UNC93A: variants seen among roughly 807,000 people sequenced by gnomAD.
The protein encoded by UNC93A is unc-93 homolog A.
A neutral mutation model predicts 47.5 loss-of-function variants in UNC93A; 43 were observed. The observed-to-expected ratio is 0.91, with a 90% CI of 0.71 to 1.17. The LOEUF (loss-of-function observed/expected upper bound fraction) is 1.17, where lower values mean the gene tolerates loss of function less well. Ranked by LOEUF, UNC93A falls within the 50% of genes most tolerant of loss-of-function variation. The pLI is 0.00. For synonymous variants in UNC93A, 280 were observed against 258.0 expected (o/e 1.09, Z -0.82); for missense variants, 605 against 577.6 (o/e 1.05, Z -0.49).
chr6:167,294,870 C>T (rs1778008944), intron 2 of UNC93A, among the ~76,000 whole-genome samples, 172 bp downstream of exon 2: 1 of 152,068 alleles, frequency 6.6e-6, no homozygotes, highest in Non-Finnish European at 1.5e-5. Flanking sequence ...CGGTGCTGGG[C>T]TTCCTTCCTG....
chr6:167,293,404 C>A (rs955513680), intron 1 of UNC93A, among the ~76,000 whole-genome samples: 3 of 152,164 alleles, frequency 2.0e-5, no homozygotes, highest in Non-Finnish European at 4.4e-5. Flanking sequence ...GAGGCCCCAC[C>A]CGGGCCTATT....
intron 5 of UNC93A, 78 bp from the exon 6 acceptor site, chr6:167,305,837 A>C: frequency 1.3e-6 from 2 of 1,599,244 alleles, no homozygotes; most frequent in Non-Finnish European, 1.7e-6. Flanking sequence ...AGATGTTCTA[A>C]GCACCCGACT....
intron 7 of UNC93A, among the ~76,000 whole-genome samples, chr6:167,312,137 T>G (rs1033774464): frequency 1.1e-4 from 17 of 152,120 alleles, no homozygotes; most frequent in African/African-American, 3.1e-4. Context: ...TGTTCCTTAA[T>G]TTTGGTTTGT....
intron 7 of UNC93A, among the ~76,000 whole-genome samples, chr6:167,309,623 G>C (rs914210183): frequency 6.6e-6 from 1 of 152,164 alleles, no homozygotes; most frequent in Non-Finnish European, 1.5e-5. Flanking sequence ...CGAACTACAG[G>C]CCAATGTTTC....
chr6:167,314,720 C>T (rs1203160012), intron 7 of UNC93A, among the ~76,000 whole-genome samples: 1 of 152,166 alleles, frequency 6.6e-6, no homozygotes, highest in Non-Finnish European at 1.5e-5. Flanking sequence ...AAAAGAATGC[C>T]ACCATTTGTC....
Position 167,277,883 on chromosome 6 carries a change from G to A in UNC93A, c.-52+6425G>A, listed in dbSNP as rs371141541. On this transcript the variant is annotated intron_variant, in intron 1 of 3. Transcript: ENST00000503433. ...TCTGTCTCCTTCTGTCTGTCTCTTG[G>A]TCCCAGCTGGCAGCTGACTTTCCTG... 2.0e-4 allele frequency among the ~76,000 whole-genome samples: 30 copies of A among 151,634 alleles called. No individual in the cohort carries two copies. The South Asian group carries it at 6.3e-3, about 32-fold the overall frequency.
chr6:167,287,179 C>T (rs114736769), upstream of UNC93A, among the ~76,000 whole-genome samples: 1,018 of 152,132 alleles, frequency 6.7e-3, 17 homozygotes, highest in African/African-American at 0.023. Flanking sequence ...AATCACAGCC[C>T]GGCTTCCTCC....
intron 1 of UNC93A, among the ~76,000 whole-genome samples, chr6:167,281,463 C>T (rs1215091752): frequency 6.6e-6 from 1 of 152,168 alleles, no homozygotes; most frequent in African/African-American, 2.4e-5. Context: ...AGCCAGGAGG[C>T]CTAGCAACAG....
intron 7 of UNC93A, among the ~76,000 whole-genome samples, chr6:167,308,794 G>A (rs113314608): frequency 0.013 from 1,952 of 152,120 alleles, 46 homozygotes; most frequent in African/African-American, 0.044. Flanking sequence ...AGTCGGCCCC[G>A]TGTCACAACA....
chr6:167,287,256 A>G (rs1295326399), upstream of UNC93A, among the ~76,000 whole-genome samples: 2 of 152,150 alleles, frequency 1.3e-5, no homozygotes, highest in Non-Finnish European at 2.9e-5. Context: ...TGCAGGGTTC[A>G]TAGAAACGGC....
In UNC93A at chr6:167,294,273, C is replaced by T. The variant is rs559834724; in HGVS notation, c.88-244C>T. 6.0e-4 allele frequency among the ~76,000 whole-genome samples: 91 copies of T among 152,328 alleles called. 1 individual carries two copies. Among genetic ancestry groups the T allele is most frequent in the African/African-American group, 2.2e-3 (90 of 41,554 alleles). On this transcript the variant is annotated intron_variant, in intron 1 of 7. Transcript: ENST00000230256. ...CTCTCACAGCCATCCAGCCCCGGCGCAAGCACTCACAGGGGTGCCGGGCCT... is the reference window on the plus strand; with the variant it reads ...CTCTCACAGCCATCCAGCCCCGGCGTAAGCACTCACAGGGGTGCCGGGCCT...
At chr6:167,271,353 C>G (rs1783448900) in exon 1 of UNC93A, 1 of 152,400 alleles carries the variant, frequency 6.6e-6, no homozygotes, top group Admixed American at 6.5e-5. Flanking sequence ...GAGCGAGAAC[C>G]TCATCAGGAG....
intron 4 of UNC93A, among the ~76,000 whole-genome samples, chr6:167,299,243 G>A (rs1159031731): frequency 6.6e-6 from 1 of 151,134 alleles, no homozygotes; most frequent in Non-Finnish European, 1.5e-5. Context: ...CTTGGATTTG[G>A]GGATTCATAA....
rs148569914 is a variant in UNC93A at position 167,296,101 on chromosome 6, A to T, written c.339A>T (p.Thr113=). The T allele has an allele frequency of 3.3e-5, 53 of 1,614,228 alleles. 2 individuals are homozygous for T. The African/African-American group carries it at 6.5e-4, about 20-fold the overall frequency. The change falls in exon 3 of 8, where the codon ACA becomes ACT. Residue 113 remains threonine, a synonymous_variant. Transcript: ENST00000230256. ...GAAPLWSAQC[T]YLTITGNTHA... is the part of the protein sequence containing the mutation. The stretch of plus-strand genomic sequence containing the variant: ...CCCCGCTGTGGTCTGCACAGTGCAC[A>T]TACCTCACGATCACGGGAAACACAC...
At chr6:167,312,795 C>A (rs1778595739) in intron 7 of UNC93A, among the ~76,000 whole-genome samples, 2 of 152,238 alleles carry the variant, frequency 1.3e-5, no homozygotes, top group Non-Finnish European at 2.9e-5. Context: ...TAGTTCCATG[C>A]AATTCAAAAC....
intron 1 of UNC93A, among the ~76,000 whole-genome samples, chr6:167,285,938 T>TTCTCTCTCTCTCTCTCTC (rs138265267): frequency 3.8e-5 from 5 of 131,744 alleles, no homozygotes; most frequent in African/African-American, 1.2e-4. Flanking sequence ...TTAGTTTTCT[T>TTCTCTCTCTCTCTCTCTC]TCTCTCTCTC....
chr6:167,294,178 C>T (rs987317762), intron 1 of UNC93A, among the ~76,000 whole-genome samples: 3 of 152,174 alleles, frequency 2.0e-5, no homozygotes, highest in Non-Finnish European at 4.4e-5. Flanking sequence ...GCAGAGTCTC[C>T]AGCCCCATCC....
chr6:167,278,868 G>A (rs1404906983), intron 1 of UNC93A, among the ~76,000 whole-genome samples: 4 of 152,158 alleles, frequency 2.6e-5, no homozygotes, highest in African/African-American at 7.2e-5. Context: ...TCATCTACAC[G>A]GATGTCACCC....
chr6:167,284,729 C>A (rs1470280898), intron 1 of UNC93A, among the ~76,000 whole-genome samples: 1 of 152,272 alleles, frequency 6.6e-6, no homozygotes, highest in African/African-American at 2.4e-5. Flanking sequence ...CCACACACAG[C>A]CCATTTTCCT....
Sources: allele counts gnomAD v4.1 joint callset (sites outside exome capture counted in the v4.1 genomes callset), GRCh38; gene constraint gnomAD v4.1.1; transcripts MANE v1.5; gene names NCBI Gene and HGNC (gene_info 2026-07-23, HGNC 2026-07-21).